HIVEP3: variants seen among roughly 807,000 people sequenced by gnomAD.
HIVEP3 encodes HIVEP zinc finger 3.
Under a neutral mutation model 152.8 loss-of-function variants are expected in HIVEP3, and 49 were observed. The observed-to-expected ratio is 0.32, with a 90% CI of 0.26 to 0.41. The LOEUF is 0.41. Ranked by LOEUF, HIVEP3 falls within the 10% of genes least tolerant of loss-of-function variation. HIVEP3 has a pLI of 1.00. For synonymous variants in HIVEP3, 1,269 were observed against 1,289.0 expected, an observed-to-expected ratio of 0.98 and a Z score of 0.33; for missense variants, 2,790 against 3,103.3, an observed-to-expected ratio of 0.90 and a Z score of 2.40.
chr1:41,566,885 C>T (rs1257108876), intron 5 of HIVEP3, among the ~76,000 whole-genome samples: 1 of 152,108 alleles, frequency 6.6e-6, no homozygotes, highest in African/African-American at 2.4e-5. Flanking sequence ...GTCCTGGATG[C>T]CTTTTTCTTT....
At chr1:41,562,990 T>C (rs900359751) in intron 5 of HIVEP3, among the ~76,000 whole-genome samples, 9 of 151,652 alleles carry the variant, frequency 5.9e-5, no homozygotes, top group African/African-American at 2.2e-4. Context: ...TCTGCACAAG[T>C]TGAAACTGAG....
intron 5 of HIVEP3, among the ~76,000 whole-genome samples, chr1:41,550,737 C>T (rs1234894218): frequency 2.0e-5 from 3 of 152,172 alleles, no homozygotes; most frequent in Non-Finnish European, 1.5e-5. Flanking sequence ...TATCCTGAGA[C>T]TTTGCTGAAG....
intron 1 of HIVEP3, among the ~76,000 whole-genome samples, chr1:41,900,976 T>C (rs1341956231): frequency 6.6e-6 from 1 of 152,000 alleles, no homozygotes; most frequent in Non-Finnish European, 1.5e-5. Context: ...CAAGGCAGGA[T>C]GTGGGGGACC....
At chr1:42,031,711 A>C (rs1645613646) in intron 1 of HIVEP3, among the ~76,000 whole-genome samples, 2 of 152,228 alleles carry the variant, frequency 1.3e-5, no homozygotes, top group Admixed American at 6.5e-5. Flanking sequence ...TCCTGGCCCC[A>C]CCCCCCAAAA....
intron 1 of HIVEP3, among the ~76,000 whole-genome samples, chr1:41,798,353 C>T (rs1650103764): frequency 6.6e-6 from 1 of 151,952 alleles, no homozygotes; most frequent in Admixed American, 6.6e-5. Context: ...ATCGTGGTCC[C>T]TTGTCAGCAC....
intron 1 of HIVEP3, among the ~76,000 whole-genome samples, chr1:41,850,587 A>C (rs1234909928): frequency 3.9e-5 from 6 of 152,236 alleles, no homozygotes; most frequent in Non-Finnish European, 8.8e-5. Context: ...CACAAGGCTC[A>C]AGAGTCTGCA....
intron 8 of HIVEP3, among the ~76,000 whole-genome samples, 156 bp downstream of exon 8, chr1:41,512,660 G>A (rs749880199): frequency 2.0e-5 from 3 of 152,250 alleles, no homozygotes; most frequent in Non-Finnish European, 4.4e-5. Context: ...ATGGTGCATG[G>A]CACAGTAGGT....
chr1:41,779,843 T>C (rs1411533801), intron 1 of HIVEP3, among the ~76,000 whole-genome samples: 3 of 152,140 alleles, frequency 2.0e-5, no homozygotes, highest in Non-Finnish European at 4.4e-5. Flanking sequence ...GGGTGCTTGC[T>C]GCATGGGGAG....
chr1:41,583,372 C>G lies in HIVEP3; in HGVS notation c.1426G>C (p.Val476Leu). The change falls in exon 4 of 9, where the codon GTG becomes CTG. Residue 476 changes from valine (V) to leucine (L), a missense_variant. Val to Leu is a conservative substitution (Grantham distance 32). Around this residue, in one of 9 missense-constraint regions of HIVEP3, gnomAD observed 134 missense variants for 242.5 expected, o/e 0.55. Coordinates refer to ENST00000372583, the MANE Select transcript of HIVEP3 (RefSeq NM_024503.5). The surrounding 1 kb of genome is among the most constrained non-coding windows in gnomAD (Gnocchi z 6.9). ...TKLITINEAV[V>L]DTSEIDSVKP... ...ACGCTGTCGATCTCGCTGGTGTCCA[C>G]CACGGCCTCGTTGATGGTGATGAGC... The G allele has an allele frequency of 6.2e-7, 1 of 1,613,174 alleles. No individual in the cohort carries two copies. The highest frequency in any genetic ancestry group is 8.5e-7 in the Non-Finnish European group (1 of 1,179,520).
chr1:41,699,472 A>G (rs1330736334), intron 2 of HIVEP3, among the ~76,000 whole-genome samples: 1 of 152,230 alleles, frequency 6.6e-6, no homozygotes, highest in East Asian at 1.9e-4. Context: ...CAACCTTGCT[A>G]TCAAGAAGAA....
chr1:41,889,237 T>A (rs1242967069), intron 1 of HIVEP3, among the ~76,000 whole-genome samples: 1 of 151,562 alleles, frequency 6.6e-6, no homozygotes, highest in African/African-American at 2.4e-5. Flanking sequence ...CCTCACACAG[T>A]CCCACCCCAC....
intron 2 of HIVEP3, among the ~76,000 whole-genome samples, chr1:41,673,334 C>T (rs549997333): frequency 1.2e-4 from 19 of 152,316 alleles, no homozygotes; most frequent in African/African-American, 4.6e-4. Flanking sequence ...CCTTTAAGTA[C>T]TTTATAGAGA....
At position 41,856,947 on chromosome 1, in the gene HIVEP3, C is replaced by T. The variant is rs192413327; in HGVS notation, c.-801+61466G>A. Reference sequence around the variant, plus strand: ...TTTTTCTAACTGATCATTACTGCTGCGGCTCTATAAATAACCACCTAGGGA... The same window carrying T: ...TTTTTCTAACTGATCATTACTGCTGTGGCTCTATAAATAACCACCTAGGGA... On this transcript the variant is annotated intron_variant, in intron 1 of 8. Transcript: ENST00000372583. Among the ~76,000 whole-genome samples the T allele has an allele frequency of 7.9e-5, 12 of 152,216 alleles. No individual in the cohort carries two copies. The East Asian group carries it at 1.5e-3, about 20-fold the overall frequency.
At chr1:41,611,932 T>C (rs761354205) in intron 3 of HIVEP3, among the ~76,000 whole-genome samples, 2 of 152,172 alleles carry the variant, frequency 1.3e-5, no homozygotes, top group African/African-American at 2.4e-5. Context: ...CAGATGAACC[T>C]CCTGACTAGG....
At chr1:41,574,573 G>A (rs1159367855) in intron 5 of HIVEP3, among the ~76,000 whole-genome samples, 1 of 152,158 alleles carries the variant, frequency 6.6e-6, no homozygotes, top group Non-Finnish European at 1.5e-5. Flanking sequence ...CCTTATGGAG[G>A]ACTCCCGTGC....
intron 1 of HIVEP3, among the ~76,000 whole-genome samples, chr1:41,773,972 C>A (rs980971478): frequency 6.6e-6 from 1 of 152,186 alleles, no homozygotes; most frequent in Non-Finnish European, 1.5e-5. Flanking sequence ...ATTCAGTAGG[C>A]CTGAGTTAAA....
intron 1 of HIVEP3, among the ~76,000 whole-genome samples, chr1:41,992,907 C>T (rs71654215): frequency 0.43 from 54,592 of 125,696 alleles, 11,884 homozygotes; most frequent in East Asian, 0.67. Flanking sequence ...GAAAGGATTC[C>T]CTATTTAATA....
Position 41,510,966 on chromosome 1 carries a change from G to C in HIVEP3, c.6706C>G (p.Arg2236Gly). Residue 2236 changes from arginine to glycine, a missense_variant, in exon 9 of 9, where the codon CGG (arginine) becomes GGG (glycine). Transcript: ENST00000372583. ...CAGCGGCCTCGCTCCTGGGCCTCCC[G>C]GGCCCCTGTCAGGTCGCTGCCACCC... Reference protein sequence around the residue: ...SGGGSDLTGAREAQERGRWSP... With the variant: ...SGGGSDLTGAGEAQERGRWSP... 5.6e-6 allele frequency: 9 copies of C among 1,613,554 alleles called. No homozygotes were observed. The highest frequency in any genetic ancestry group is 7.6e-6 in the Non-Finnish European group (9 of 1,179,872).
rs1431285168 is a variant in HIVEP3, at chr1:41,743,424, C to G, written c.-800-42429G>C. Among the ~76,000 whole-genome samples the G allele has an allele frequency of 3.9e-5, 6 of 152,296 alleles. No homozygotes were observed. The South Asian group carries it at 1.0e-3, about 26-fold the overall frequency. ...GACAGAGCCTGACATCTGGCAGACA[C>G]TAGGTGAATGAATGAATGAATGAAT... is the stretch of plus-strand genomic sequence containing the variant. On this transcript the variant is annotated intron_variant, in intron 1 of 8. Transcript: ENST00000372583.
Sources: allele counts gnomAD v4.1 joint callset (sites outside exome capture counted in the v4.1 genomes callset), GRCh38; gene constraint gnomAD v4.1.1; regional missense constraint gnomAD v4.1.1; non-coding constraint Gnocchi (gnomAD v3.1); transcripts MANE v1.5; gene names NCBI Gene and HGNC (gene_info 2026-07-23, HGNC 2026-07-21).